ADAMDEC1: variants seen among roughly 807,000 people sequenced by gnomAD.
The protein encoded by ADAMDEC1 is ADAM DEC1.
ADAMDEC1 carries 62 observed loss-of-function variants against 60.4 expected under a neutral mutation model. The observed-to-expected ratio is 1.03, with a 90% CI of 0.84 to 1.27. ADAMDEC1 has a LOEUF of 1.27. Ranked by LOEUF, ADAMDEC1 falls within the 50% of genes most tolerant of loss-of-function variation. The pLI, the probability that ADAMDEC1 is intolerant of heterozygous loss-of-function variation, is 0.00. For synonymous variants in ADAMDEC1, 210 were observed against 195.1 expected, an observed-to-expected ratio of 1.08 and a Z score of -0.64; for missense variants, 595 against 565.0, an observed-to-expected ratio of 1.05 and a Z score of -0.54.
rs981114401 is a variant in ADAMDEC1, at chr8:24,397,966, G to C, written c.690+221G>C. 5.9e-5 allele frequency among the ~76,000 whole-genome samples: 9 copies of C among 151,784 alleles called. No homozygotes were observed. In the East Asian group the frequency reaches 1.7e-3, roughly 29 times the overall value. On this transcript the variant is annotated intron_variant, in intron 7 of 13. Transcript: ENST00000256412. The stretch of plus-strand genomic sequence containing the variant: ...AGTATTGGCAATATACTTAATACCA[G>C]ATAGCTACAGGCAATCAACCAAAAA...
intron 11 of ADAMDEC1, 111 bp from the exon 12 acceptor site, chr8:24,401,804 G>GTA: frequency 2.0e-6 from 2 of 992,132 alleles, no homozygotes; most frequent in East Asian, 5.1e-5. Context: ...ATTGAGCTCG[G>GTA]TAATACAGTT....
intron 4 of ADAMDEC1, among the ~76,000 whole-genome samples, chr8:24,395,216 T>C (rs1817575174): frequency 1.3e-5 from 2 of 152,216 alleles, no homozygotes; most frequent in South Asian, 4.1e-4. Context: ...GGAGTGATAG[T>C]GTGAAATATC....
At chr8:24,386,405 C>G (rs562049112) in intron 1 of ADAMDEC1, among the ~76,000 whole-genome samples, 1 of 152,272 alleles carries the variant, frequency 6.6e-6, no homozygotes, top group Non-Finnish European at 1.5e-5. Context: ...AACTGCTAAG[C>G]AAAATGAACT....
intron 4 of ADAMDEC1, among the ~76,000 whole-genome samples, chr8:24,394,771 T>C (rs1260970690): frequency 6.6e-6 from 1 of 152,192 alleles, no homozygotes; most frequent in East Asian, 1.9e-4. Flanking sequence ...ACAGAATGGT[T>C]CTTTGTTCCC....
chr8:24,398,844 T>A, intron 8 of ADAMDEC1, 30 bp from the exon 9 acceptor site: 1 of 1,606,014 alleles, frequency 6.2e-7, no homozygotes, highest in Non-Finnish European at 8.5e-7. Context: ...ATCCTGAACA[T>A]TTTTATGAAG....
intron 1 of ADAMDEC1, chr8:24,387,939 C>G (rs760154924): frequency 2.0e-5 from 3 of 152,628 alleles, no homozygotes; most frequent in Non-Finnish European, 4.4e-5. Flanking sequence ...AAGAGCAGCC[C>G]GGAGAAGCTG....
At chr8:24,403,957 A>C in intron 12 of ADAMDEC1, 46 bp from the exon 13 acceptor site, 1 of 1,519,082 alleles carries the variant, frequency 6.6e-7, no homozygotes, top group Non-Finnish European at 9.1e-7. Context: ...GTCTATGGGA[A>C]GAAAATGTTG....
In ADAMDEC1 at chr8:24,384,609, C is replaced by A; in HGVS notation, c.88+17C>A. ...AAACTCAAGGTACGTACCATCACAC[C>A]AGCATTTTACATAAAAGTCAAATTA... On this transcript the variant is annotated intron_variant, in intron 1 of 13. Coordinates refer to ENST00000256412, the MANE Select transcript of ADAMDEC1 (RefSeq NM_014479.3). 1.3e-6 allele frequency: 2 copies of A among 1,583,242 alleles called. No individual in the cohort carries two copies. The highest frequency in any genetic ancestry group is 1.9e-5 in the Admixed American group (1 of 53,348).
Position 24,402,034 on chromosome 8 carries a change from C to T in ADAMDEC1, c.1262C>T (p.Pro421Leu), listed in dbSNP as rs192117001. 6.2e-7 allele frequency: 1 copy of T among 1,613,140 alleles called. No homozygotes were observed. The highest frequency in any genetic ancestry group is 1.7e-5 in the Admixed American group (1 of 59,964). Residue 421 changes from proline (P) to leucine (L), a missense_variant, in exon 12 of 14, where the codon CCA becomes CTA. Physicochemically the swap from Pro to Leu is moderately conservative, Grantham distance 98. Coordinates refer to ENST00000256412, the MANE Select transcript of ADAMDEC1 (RefSeq NM_014479.3). ...ATTCCTACAAATATAATGACAACACCAGTGTGTGGGAACCACCTTCTAGAA... is the reference window on the plus strand; with the variant it reads ...ATTCCTACAAATATAATGACAACACTAGTGTGTGGGAACCACCTTCTAGAA... ...APIPTNIMTT[P>L]VCGNHLLEVG...
At chr8:24,387,652 T>C (rs996248063) in intron 1 of ADAMDEC1, 3 of 152,214 alleles carry the variant, frequency 2.0e-5, no homozygotes, top group African/African-American at 7.2e-5. Flanking sequence ...TACTTTTATA[T>C]ACTGTTGCTG....
At chr8:24,399,550 G>A in intron 10 of ADAMDEC1, 76 bp downstream of exon 10, 2 of 1,186,916 alleles carry the variant, frequency 1.7e-6, no homozygotes, top group Non-Finnish European at 1.3e-6. Flanking sequence ...TATATAGAAT[G>A]AGCAAAATGA....
chr8:24,390,992 T>G (rs1817431949), intron 1 of ADAMDEC1, among the ~76,000 whole-genome samples: 1 of 152,128 alleles, frequency 6.6e-6, no homozygotes, highest in Non-Finnish European at 1.5e-5. Context: ...AAATTCATTC[T>G]CATTCCAAGC....
intron 1 of ADAMDEC1, among the ~76,000 whole-genome samples, chr8:24,385,782 A>G (rs1349948499): frequency 6.6e-6 from 1 of 152,188 alleles, no homozygotes; most frequent in Non-Finnish European, 1.5e-5. Flanking sequence ...ATATAACTGC[A>G]TTATTAAACA....
chr8:24,392,051 T>G (rs1817457898), intron 1 of ADAMDEC1, among the ~76,000 whole-genome samples: 1 of 151,804 alleles, frequency 6.6e-6, no homozygotes, highest in Admixed American at 6.6e-5. Context: ...TCATGTCTTT[T>G]CAGAATAGTG....
intron 6 of ADAMDEC1, 92 bp from the exon 7 acceptor site, chr8:24,397,591 C>G: frequency 1.4e-6 from 2 of 1,458,724 alleles, no homozygotes; most frequent in South Asian, 2.5e-5. Context: ...TTCTATTTAT[C>G]TTCTATTTTA....
intron 2 of ADAMDEC1, 98 bp downstream of exon 2, chr8:24,392,478 A>G: frequency 1.2e-6 from 1 of 845,776 alleles, no homozygotes; most frequent in Non-Finnish European, 1.8e-6. Context: ...TTACTATGTA[A>G]TAGTTTCATA....
chr8:24,390,595 C>G (rs1817417881), intron 1 of ADAMDEC1, among the ~76,000 whole-genome samples: 2 of 152,094 alleles, frequency 1.3e-5, no homozygotes, highest in Non-Finnish European at 2.9e-5. Context: ...TGGTACGCAA[C>G]TGTAATCCCA....
rs543860131 is a variant in ADAMDEC1, at chr8:24,403,802, C to T, written c.1321-201C>T. Among the ~76,000 whole-genome samples the T allele has an allele frequency of 2.6e-5, 4 of 152,128 alleles. No homozygotes were observed. The East Asian group carries it at 7.7e-4, about 29-fold the overall frequency. On this transcript the variant is annotated intron_variant, in intron 12 of 13. Transcript: ENST00000256412. ...ATTCTTGAATAATTCTATTTCTCAC[C>T]TTTTGAGAAGTCTTCATTGCTGATA...
intron 11 of ADAMDEC1, among the ~76,000 whole-genome samples, chr8:24,401,134 T>C (rs1254897440): frequency 6.6e-6 from 1 of 152,150 alleles, no homozygotes; most frequent in Non-Finnish European, 1.5e-5. Flanking sequence ...TGAATGGACA[T>C]ATCTTTTCCC....
Sources: allele counts gnomAD v4.1 joint callset (sites outside exome capture counted in the v4.1 genomes callset), GRCh38; gene constraint gnomAD v4.1.1; transcripts MANE v1.5; gene names NCBI Gene and HGNC (gene_info 2026-07-23, HGNC 2026-07-21).